Variants in CLASP1 observed in about 807,000 individuals in gnomAD.
CLASP1 encodes the protein CLIP-associating protein 1.
A neutral mutation model predicts 192.3 loss-of-function variants in CLASP1; 38 were observed. The ratio of observed to expected loss-of-function variants is 0.20; its 90% CI spans 0.15 to 0.26. The LOEUF is 0.26. Among genes scored for constraint, CLASP1 ranks in the 10% least tolerant of loss-of-function variants. The pLI is 1.00. For synonymous variants in CLASP1, 691 were observed against 712.8 expected (o/e 0.97, Z 0.49); for missense variants, 1,433 against 1,932.5 (o/e 0.74, Z 4.85).
At chr2:121,611,600 A>T (rs111207641) in intron 1 of CLASP1, among the ~76,000 whole-genome samples, 3 of 93,202 alleles carry the variant, frequency 3.2e-5, no homozygotes, top group African/African-American at 7.7e-5. Flanking sequence ...GAGGAGGAGG[A>T]GTTGGAGGAG....
intron 19 of CLASP1, among the ~76,000 whole-genome samples, chr2:121,440,795 A>G (rs1357552127): frequency 1.3e-5 from 2 of 151,242 alleles, no homozygotes; most frequent in Admixed American, 6.6e-5. Flanking sequence ...GTGAAGGGAG[A>G]AAAAAAAGTC....
intron 2 of CLASP1, among the ~76,000 whole-genome samples, chr2:121,534,399 A>G (rs1575761362): frequency 6.6e-6 from 1 of 152,218 alleles, no homozygotes; most frequent in East Asian, 1.9e-4. Flanking sequence ...AATCCCTGAC[A>G]TCAGATTAAA....
At chr2:121,597,953 T>G (rs1038602706) in intron 2 of CLASP1, among the ~76,000 whole-genome samples, 1 of 152,128 alleles carries the variant, frequency 6.6e-6, no homozygotes, top group Non-Finnish European at 1.5e-5. Context: ...TCTCACCTGA[T>G]GAGGGAAGAA....
intron 7 of CLASP1, 131 bp downstream of exon 7, chr2:121,515,534 A>G (rs561973115): frequency 2.3e-4 from 163 of 699,160 alleles, no homozygotes; most frequent in South Asian, 4.7e-4. Flanking sequence ...ATCTCCAACT[A>G]CCCTCTAACC....
chr2:121,347,710 C>G (rs2149120295), intron 38 of CLASP1, among the ~76,000 whole-genome samples: 1 of 152,328 alleles, frequency 6.6e-6, no homozygotes, highest in Non-Finnish European at 1.5e-5. Flanking sequence ...CCACACCCAG[C>G]TGGGGCTACC....
At chr2:121,433,738 A>C (rs188273953) in intron 19 of CLASP1, among the ~76,000 whole-genome samples, 1 of 152,194 alleles carries the variant, frequency 6.6e-6, no homozygotes, top group East Asian at 1.9e-4. Context: ...CCTAGGCGAC[A>C]AAGTGAGACT....
chr2:121,605,959 G>A, exon 2 of CLASP1: 5 of 1,459,268 alleles, frequency 3.4e-6, no homozygotes, highest in Non-Finnish European at 4.7e-6. Flanking sequence ...CCTCCCAGCA[G>A]ACGTATCTGG....
At chr2:121,492,035 A>T (rs964071195) in intron 8 of CLASP1, among the ~76,000 whole-genome samples, 1 of 152,226 alleles carries the variant, frequency 6.6e-6, no homozygotes, top group African/African-American at 2.4e-5. Flanking sequence ...ACTGTTGTTC[A>T]CAAGCAACAA....
At chr2:121,485,523 G>T (rs1022353751) in intron 8 of CLASP1, among the ~76,000 whole-genome samples, 21 of 152,106 alleles carry the variant, frequency 1.4e-4, no homozygotes, top group Admixed American at 1.4e-3. Flanking sequence ...ATAGAAAAGA[G>T]GGCCTTCCAA....
intron 2 of CLASP1, among the ~76,000 whole-genome samples, chr2:121,563,011 G>A (rs1019046905): frequency 1.3e-5 from 2 of 152,150 alleles, no homozygotes; most frequent in African/African-American, 4.8e-5. Context: ...CTTGGCTGAG[G>A]CTCCTGGGGT....
chr2:121,646,836 G>A (rs1489495506), intron 1 of CLASP1, among the ~76,000 whole-genome samples: 2 of 149,912 alleles, frequency 1.3e-5, no homozygotes, highest in Non-Finnish European at 3.0e-5. Flanking sequence ...AGGATATCAA[G>A]GCCATCCTGG....
At chr2:121,391,201 A>C (rs1299678596) in intron 30 of CLASP1, among the ~76,000 whole-genome samples, 2 of 152,232 alleles carry the variant, frequency 1.3e-5, no homozygotes, top group Non-Finnish European at 2.9e-5. Flanking sequence ...TCTAAAATGC[A>C]AACAGTGAAG....
At chr2:121,508,212 T>A (rs552122470) in intron 7 of CLASP1, among the ~76,000 whole-genome samples, 7 of 151,868 alleles carry the variant, frequency 4.6e-5, no homozygotes, top group Non-Finnish European at 8.8e-5. Flanking sequence ...TGTATAAAGA[T>A]GTAATTTGCA....
intron 1 of CLASP1, among the ~76,000 whole-genome samples, chr2:121,632,666 G>A (rs34518878): frequency 0.19 from 29,233 of 152,044 alleles, 5,033 homozygotes; most frequent in African/African-American, 0.46. Flanking sequence ...AGAGGCCGAG[G>A]TTGGCAGATC....
intron 1 of CLASP1, among the ~76,000 whole-genome samples, chr2:121,636,928 C>G (rs1437741537): frequency 3.3e-5 from 5 of 152,028 alleles, no homozygotes; most frequent in Admixed American, 3.3e-4. Context: ...CTGCAACTAC[C>G]CCAAATATAT....
chr2:121,645,765 T>G (rs2073064698), intron 1 of CLASP1, among the ~76,000 whole-genome samples: 1 of 152,100 alleles, frequency 6.6e-6, no homozygotes. Flanking sequence ...ATGTCACCAT[T>G]TGAGCACACC....
At chr2:121,469,744 T>G in intron 9 of CLASP1, 64 bp downstream of exon 9, 1 of 1,513,970 alleles carries the variant, frequency 6.6e-7, no homozygotes. Flanking sequence ...GGCAAGTACG[T>G]GCACCTCTGG....
chr2:121,563,370 T>C (rs2059255507), intron 2 of CLASP1, among the ~76,000 whole-genome samples: 1 of 152,206 alleles, frequency 6.6e-6, no homozygotes, highest in Non-Finnish European at 1.5e-5. Flanking sequence ...CCAGTAGCAC[T>C]TTTAAAGAGG....
At chr2:121,598,591 T>C (rs1198713110) in intron 2 of CLASP1, among the ~76,000 whole-genome samples, 1 of 152,240 alleles carries the variant, frequency 6.6e-6, no homozygotes, top group Non-Finnish European at 1.5e-5. Flanking sequence ...CAGAGACCTA[T>C]ATTTAAATCC....
Sources: allele counts gnomAD v4.1 joint callset (sites outside exome capture counted in the v4.1 genomes callset), GRCh38; gene constraint gnomAD v4.1.1; transcripts MANE v1.5; gene names NCBI Gene and HGNC (gene_info 2026-07-23, HGNC 2026-07-21).